Variants in RC3H1 observed in about 807,000 individuals in gnomAD.
The protein encoded by RC3H1 is roquin-1.
Under a neutral mutation model 138.2 loss-of-function variants are expected in RC3H1, and 50 were observed. That is an observed-to-expected ratio of 0.36 (90% CI 0.29 to 0.46). The LOEUF (loss-of-function observed/expected upper bound fraction) is 0.46. RC3H1 is among the 20% of genes least tolerant of loss of function. RC3H1 has a pLI of 1.00. For missense variants in RC3H1, 1,031 were observed against 1,388.1 expected, an observed-to-expected ratio of 0.74 and a Z score of 4.09; for synonymous variants, 462 against 489.1, an observed-to-expected ratio of 0.94 and a Z score of 0.73.
intron 1 of RC3H1, among the ~76,000 whole-genome samples, chr1:174,013,592 C>T (rs1183230039): frequency 1.3e-5 from 2 of 151,956 alleles, no homozygotes; most frequent in Middle Eastern, 3.2e-3. Flanking sequence ...TAGGTTCACA[C>T]CACCACGTGT....
At chr1:173,957,026 G>C (rs1659679624) in intron 13 of RC3H1, among the ~76,000 whole-genome samples, 1 of 152,004 alleles carries the variant, frequency 6.6e-6, no homozygotes, top group Admixed American at 6.6e-5. Flanking sequence ...CAATTCTCCT[G>C]CCTCAGTCTC....
At chr1:173,976,132 A>C (rs544444848) in intron 7 of RC3H1, among the ~76,000 whole-genome samples, 61 of 151,976 alleles carry the variant, frequency 4.0e-4, no homozygotes, top group African/African-American at 1.5e-3. Context: ...AAGCATTTCA[A>C]GGAAGAGAGA....
intron 1 of RC3H1, among the ~76,000 whole-genome samples, chr1:174,011,590 A>G (rs757260344): frequency 1.3e-5 from 2 of 152,154 alleles, no homozygotes; most frequent in African/African-American, 2.4e-5. Flanking sequence ...ACCAGTATAC[A>G]GAAAAGTCAA....
chr1:173,976,643 T>G (rs78138425), intron 7 of RC3H1, among the ~76,000 whole-genome samples: 37 of 152,182 alleles, frequency 2.4e-4, no homozygotes, highest in African/African-American at 7.7e-4. Context: ...GGTAGGTAGA[T>G]GAGAAATGGG....
chr1:173,992,677 C>A (rs1219855595), intron 2 of RC3H1, 78 bp downstream of exon 2: 7 of 982,916 alleles, frequency 7.1e-6, no homozygotes, highest in Non-Finnish European at 1.1e-5. Context: ...ACAACACACA[C>A]ACACACACAC....
intron 11 of RC3H1, 142 bp downstream of exon 11, chr1:173,963,831 C>A: frequency 1.5e-6 from 1 of 658,002 alleles, no homozygotes; most frequent in Non-Finnish European, 2.6e-6. Context: ...ATCATAAAAT[C>A]TCAATTTTTC....
rs757185285 is a variant in RC3H1 at position 173,938,874 on chromosome 1, G to T, written c.3252-3C>A. 12 of 1,577,286 alleles carry T rather than the reference G, an allele frequency of 7.6e-6. No individual in the cohort carries two copies. In the Middle Eastern group the frequency reaches 1.0e-3, roughly 135 times the overall value. On this transcript the variant is annotated splice_region_variant and splice_polypyrimidine_tract_variant and intron_variant, in intron 19 of 19. Coordinates refer to ENST00000367696, the MANE Select transcript of RC3H1 (RefSeq NM_172071.4). ...AGGCTGATCCATTTGGTACATCACT[G>T]CTGACATTTTAAAATTTTGAAAAAG...
At chr1:173,958,870 A>G (rs1571189754) in intron 13 of RC3H1, among the ~76,000 whole-genome samples, 1 of 152,112 alleles carries the variant, frequency 6.6e-6, no homozygotes, top group East Asian at 1.9e-4. Flanking sequence ...TATTCATTAA[A>G]CCAACTTTTC....
intron 1 of RC3H1, among the ~76,000 whole-genome samples, chr1:174,017,908 G>C (rs780593098): frequency 7.0e-6 from 1 of 141,862 alleles, no homozygotes; most frequent in South Asian, 2.2e-4. Flanking sequence ...GTAATAATCA[G>C]TGAAGGTATA....
At chr1:173,976,290 A>AAATAATAAG (rs984129260) in intron 7 of RC3H1, among the ~76,000 whole-genome samples, 4 of 151,888 alleles carry the variant, frequency 2.6e-5, no homozygotes, top group Non-Finnish European at 5.9e-5. Context: ...TACTAAAAAT[A>AAATAATAAG]AATAATAAGA....
At chr1:174,007,908 AG>A (rs1661682210) in intron 1 of RC3H1, among the ~76,000 whole-genome samples, 1 of 152,246 alleles carries the variant, frequency 6.6e-6, no homozygotes, top group Non-Finnish European at 1.5e-5. Flanking sequence ...TTTTGAATGC[AG>A]CAGATTTCTC....
chr1:174,012,018 C>T (rs1178241054), intron 1 of RC3H1, among the ~76,000 whole-genome samples: 1 of 152,208 alleles, frequency 6.6e-6, no homozygotes, highest in East Asian at 1.9e-4. Context: ...CGAGACCAGC[C>T]TGGGCAACAC....
chr1:173,957,021 C>T (rs1272092281), intron 13 of RC3H1, among the ~76,000 whole-genome samples: 1 of 152,056 alleles, frequency 6.6e-6, no homozygotes, highest in African/African-American at 2.4e-5. Context: ...TCAAGCAATT[C>T]TCCTGCCTCA....
intron 13 of RC3H1, among the ~76,000 whole-genome samples, chr1:173,958,531 G>C (rs868172980): frequency 3.3e-5 from 5 of 151,120 alleles, no homozygotes; most frequent in Middle Eastern, 3.4e-3. Context: ...GGGCGACAGA[G>C]CAAGACTCTG....
chr1:173,985,922 G>A (rs1661006665), intron 2 of RC3H1, among the ~76,000 whole-genome samples: 2 of 152,074 alleles, frequency 1.3e-5, no homozygotes, highest in South Asian at 4.1e-4. Flanking sequence ...TGCCCATTTT[G>A]CCTAGTAAAC....
chr1:173,938,776 C>G lies in RC3H1; in HGVS notation c.3347G>C (p.Gly1116Ala). 1 of 1,613,368 alleles carries G rather than the reference C, an allele frequency of 6.2e-7. No homozygotes were observed. ...SLNLSEDPEG[G>A]GDNNDSQRSG... is the part of the protein sequence containing the mutation. Reference sequence around the variant, plus strand: ...TCTCTGGGAGTCATTATTATCCCCTCCTCCCTCAGGGTCCTCTGACAGGTT... The same window carrying G: ...TCTCTGGGAGTCATTATTATCCCCTGCTCCCTCAGGGTCCTCTGACAGGTT... Residue 1116 changes from glycine (G) to alanine (A), a missense_variant, in exon 20 of 20, where the codon GGA becomes GCA. Around this residue, in one of 7 missense-constraint regions of RC3H1, gnomAD observed 716 missense variants for 837.9 expected, o/e 0.85. Transcript: ENST00000367696.
chr1:173,952,921 G>A (rs987008050), intron 13 of RC3H1, among the ~76,000 whole-genome samples: 2 of 152,186 alleles, frequency 1.3e-5, no homozygotes, highest in African/African-American at 4.8e-5. Flanking sequence ...ATAGGGCAGT[G>A]CTAGGACTAT....
Position 173,984,588 on chromosome 1 carries a change from C to A in RC3H1, c.263G>T (p.Ser88Ile). 6.2e-7 allele frequency: 1 copy of A among 1,614,014 alleles called. No individual in the cohort carries two copies. Among genetic ancestry groups the A allele is most frequent in the South Asian group, 1.1e-5 (1 of 91,076 alleles). Reference sequence around the variant, plus strand: ...ATAATGCTTTGTGTCTTCAACCCCACTACACAAAGTAATAGGCTGCTGCTC... The same window carrying A: ...ATAATGCTTTGTGTCTTCAACCCCAATACACAAAGTAATAGGCTGCTGCTC... ...VPEQQPITLCSGVEDTKHYEE... is the reference protein window; with the variant it reads ...VPEQQPITLCIGVEDTKHYEE... Residue 88 changes from serine (S) to isoleucine (I), a missense_variant, in exon 3 of 20, where the codon AGT becomes ATT. This residue lies in a region of RC3H1 where 80 missense variants were observed against 81.1 expected (regional missense o/e 0.99). Transcript: ENST00000367696.
rs531001615 is a variant in RC3H1, at chr1:173,951,330, C to G, written c.2523+656G>C. On this transcript the variant is annotated intron_variant, in intron 14 of 19. Coordinates refer to ENST00000367696, the MANE Select transcript of RC3H1 (RefSeq NM_172071.4). ...ACAAGAGTGAAACTCCATCCCCCCC[C>G]CAAAAAAAGAGATAAGATTTTGATA... is the stretch of plus-strand genomic sequence containing the variant. Among the ~76,000 whole-genome samples, 10 of 151,564 alleles carry G rather than the reference C, an allele frequency of 6.6e-5. No individual in the cohort carries two copies. In the South Asian group the frequency reaches 1.5e-3, roughly 22 times the overall value.
Sources: allele counts gnomAD v4.1 joint callset (sites outside exome capture counted in the v4.1 genomes callset), GRCh38; gene constraint gnomAD v4.1.1; regional missense constraint gnomAD v4.1.1; transcripts MANE v1.5; gene names NCBI Gene and HGNC (gene_info 2026-07-23, HGNC 2026-07-21).